Variants in FOXO3 observed in about 807,000 individuals in gnomAD.
FOXO3 encodes the protein forkhead box O3.
Under a neutral mutation model 41.9 loss-of-function variants are expected in FOXO3, and 4 were observed. The ratio of observed to expected loss-of-function variants is 0.10; its 90% CI spans 0.05 to 0.22. FOXO3 has a LOEUF of 0.22. Ranked by LOEUF, FOXO3 falls within the 10% of genes least tolerant of loss-of-function variation. FOXO3 has a pLI of 1.00. For missense variants in FOXO3, 534 were observed against 906.8 expected (o/e 0.59, Z 5.28); for synonymous variants, 318 against 389.3 (o/e 0.82, Z 2.16).
chr6:108,581,440 C>T (rs955646347), intron 1 of FOXO3, among the ~76,000 whole-genome samples: 1 of 152,032 alleles, frequency 6.6e-6, no homozygotes, highest in African/African-American at 2.4e-5. Flanking sequence ...AGAGTTAAGC[C>T]GTTACAAAAT....
At position 108,618,373 on chromosome 6, in the gene FOXO3, A is replaced by G. The variant is rs1347061909; in HGVS notation, c.622-45082A>G. 1.1e-5 allele frequency: 6 copies of G among 534,770 alleles called. No homozygotes were observed. The African/African-American group carries it at 1.2e-4, about 10-fold the overall frequency. The allele number at this position is 534,770 out of a possible 1,614,324, so 33.1% of individuals were successfully genotyped here. ...GAGCACATGAGCAGCACCAGGAGCC[A>G]CAGAAGAAGGAGGCAGCAGCAGCAG... On this transcript the variant is annotated intron_variant, in intron 1 of 2. Transcript: ENST00000406360.
intron 2 of FOXO3, among the ~76,000 whole-genome samples, chr6:108,672,018 G>T (rs1165132387): frequency 6.6e-6 from 1 of 152,220 alleles, no homozygotes; most frequent in Non-Finnish European, 1.5e-5. Flanking sequence ...GTCCACAGGG[G>T]CTAGCAGCAA....
intron 1 of FOXO3, among the ~76,000 whole-genome samples, chr6:108,624,445 C>T (rs998700768): frequency 6.6e-6 from 1 of 151,886 alleles, no homozygotes; most frequent in South Asian, 2.1e-4. Flanking sequence ...TTTATCAGGC[C>T]AGTAGGTTTT....
intron 1 of FOXO3, among the ~76,000 whole-genome samples, chr6:108,601,067 G>T (rs1251756933): frequency 6.6e-6 from 1 of 152,034 alleles, no homozygotes; most frequent in Non-Finnish European, 1.5e-5. Flanking sequence ...GAGTGCAGTG[G>T]CGCAATCTCA....
At chr6:108,622,127 C>T (rs920148156) in intron 1 of FOXO3, among the ~76,000 whole-genome samples, 2 of 152,038 alleles carry the variant, frequency 1.3e-5, no homozygotes, top group African/African-American at 2.4e-5. Context: ...GGTGTGGTGG[C>T]GCATGCCTGT....
intron 1 of FOXO3, among the ~76,000 whole-genome samples, chr6:108,649,505 C>T (rs1778489001): frequency 2.0e-5 from 3 of 151,208 alleles, no homozygotes; most frequent in South Asian, 2.1e-4. Flanking sequence ...TAGTTCACCA[C>T]CACCCTCAGC....
At chr6:108,608,008 G>T (rs898268575) in intron 1 of FOXO3, among the ~76,000 whole-genome samples, 2 of 152,130 alleles carry the variant, frequency 1.3e-5, no homozygotes, top group African/African-American at 4.8e-5. Context: ...TTGGTGGCAG[G>T]TCTAACCTTC....
rs76375666 is a variant in FOXO3, at chr6:108,653,530, C to T, written c.622-9925C>T. 6.6e-3 allele frequency among the ~76,000 whole-genome samples: 1,005 copies of T among 152,230 alleles called. 15 individuals are homozygous for T. The highest frequency in any genetic ancestry group is 0.023 in the African/African-American group (967 of 41,532). ...ATTGGATTCAGGTGTGGCACTGTGC[C>T]TCTTTGGTCCTCAGGGTCTGCGACT... is the stretch of plus-strand genomic sequence containing the variant. On this transcript the variant is annotated intron_variant, in intron 1 of 2. Coordinates refer to ENST00000406360, the MANE Select transcript of FOXO3 (RefSeq NM_001455.4).
chr6:108,668,498 C>T (rs1234682969), intron 2 of FOXO3, among the ~76,000 whole-genome samples: 1 of 152,122 alleles, frequency 6.6e-6, no homozygotes, highest in Non-Finnish European at 1.5e-5. Context: ...CTCGAGCTTC[C>T]GGTAAGCCTT....
rs867923581 is a variant in FOXO3 at position 108,629,509 on chromosome 6, G to T, written c.622-33946G>T. ...TTTTTCTTTTTGTCTTAGACACTATGTTGAACTTTTTTGGAGTTGTGAAGT... is the reference window on the plus strand; with the variant it reads ...TTTTTCTTTTTGTCTTAGACACTATTTTGAACTTTTTTGGAGTTGTGAAGT... On this transcript the variant is annotated intron_variant, in intron 1 of 2. Transcript: ENST00000406360. 2.0e-5 allele frequency among the ~76,000 whole-genome samples: 3 copies of T among 152,106 alleles called. No homozygotes were observed. The South Asian group carries it at 6.2e-4, about 32-fold the overall frequency.
At chr6:108,667,213 A>G (rs575242989) in intron 2 of FOXO3, among the ~76,000 whole-genome samples, 84 of 152,344 alleles carry the variant, frequency 5.5e-4, no homozygotes, top group Non-Finnish European at 1.1e-3. Context: ...GTAGGGTGGT[A>G]GTACTTCCAT....
intron 2 of FOXO3, among the ~76,000 whole-genome samples, chr6:108,678,287 A>C (rs1770698162): frequency 6.6e-6 from 1 of 152,146 alleles, no homozygotes; most frequent in Non-Finnish European, 1.5e-5. Flanking sequence ...GAGTTTTTTG[A>C]TGCTTTTTTC....
chr6:108,603,126 C>T (rs1161138257), intron 1 of FOXO3, among the ~76,000 whole-genome samples: 13 of 148,644 alleles, frequency 8.7e-5, no homozygotes, highest in Admixed American at 8.1e-4. Context: ...TTCTTTTTTA[C>T]CTGTGGTACC....
chr6:108,642,504 A>G (rs1200126687), intron 1 of FOXO3, among the ~76,000 whole-genome samples: 1 of 152,182 alleles, frequency 6.6e-6, no homozygotes, highest in Non-Finnish European at 1.5e-5. Flanking sequence ...TAATATCCAT[A>G]TAAACAAGAA....
At chr6:108,616,920 A>G (rs1777532949) in intron 1 of FOXO3, among the ~76,000 whole-genome samples, 1 of 152,216 alleles carries the variant, frequency 6.6e-6, no homozygotes, top group Non-Finnish European at 1.5e-5. Flanking sequence ...TTCACTTAGT[A>G]TGTTTTCCAG....
At chr6:108,602,255 T>G (rs1471915255) in intron 1 of FOXO3, among the ~76,000 whole-genome samples, 1 of 152,190 alleles carries the variant, frequency 6.6e-6, no homozygotes, top group African/African-American at 2.4e-5. Flanking sequence ...GTCACTCTTT[T>G]TTTTCTTTCC....
chr6:108,566,481 A>G (rs1235137519), intron 1 of FOXO3, among the ~76,000 whole-genome samples: 1 of 152,208 alleles, frequency 6.6e-6, no homozygotes, highest in Non-Finnish European at 1.5e-5. Flanking sequence ...CCATCCATTC[A>G]AAGATCTTCA....
At chr6:108,564,128 C>G (rs1179688598) in intron 1 of FOXO3, among the ~76,000 whole-genome samples, 1 of 152,324 alleles carries the variant, frequency 6.6e-6, no homozygotes, top group East Asian at 1.9e-4. Flanking sequence ...CACATGACAA[C>G]TAATCCTTGA....
intron 1 of FOXO3, among the ~76,000 whole-genome samples, chr6:108,580,767 C>T (rs549130106): frequency 3.9e-5 from 6 of 152,296 alleles, no homozygotes; most frequent in African/African-American, 1.2e-4. Context: ...ATGTGTTCTA[C>T]GTAGCTGTCA....
Sources: allele counts gnomAD v4.1 joint callset (sites outside exome capture counted in the v4.1 genomes callset), GRCh38; gene constraint gnomAD v4.1.1; transcripts MANE v1.5; gene names NCBI Gene and HGNC (gene_info 2026-07-23, HGNC 2026-07-21).